The following CAST variants were observed in gnomAD, a reference collection of about 807,000 sequenced individuals.
CAST encodes the protein calpastatin.
In CAST, 76 loss-of-function variants were observed where a neutral mutation model predicts 119.6. The ratio of observed to expected loss-of-function variants is 0.64; its 90% CI spans 0.53 to 0.77. The LOEUF is 0.77. CAST is among the 30% of genes least tolerant of loss of function. The pLI is 0.00. For synonymous variants in CAST, 319 were observed against 331.6 expected, an observed-to-expected ratio of 0.96 and a Z score of 0.41; for missense variants, 953 against 946.5, an observed-to-expected ratio of 1.01 and a Z score of -0.09.
At chr5:96,320,228 C>CTTTTTT in the CAST span, among the ~76,000 whole-genome samples, 2 of 97,372 alleles carry the variant, frequency 2.1e-5, no homozygotes, top group Non-Finnish European at 4.1e-5. Context: ...AAGGCTTTTG[C>CTTTTTT]TTTTTTTTTT....
At chr5:96,436,348 T>C in the CAST span, among the ~76,000 whole-genome samples, 1 of 152,210 alleles carries the variant, frequency 6.6e-6, no homozygotes, top group Non-Finnish European at 1.5e-5. Context: ...TTTCTTTACA[T>C]GATACAATTA....
At chr5:96,738,557 T>G (rs1329568004) in intron 11 of CAST, among the ~76,000 whole-genome samples, 1 of 152,114 alleles carries the variant, frequency 6.6e-6, no homozygotes, top group Non-Finnish European at 1.5e-5. Context: ...GGACTAGAAC[T>G]TGTTTTGATT....
chr5:96,392,898 A>ATC, the CAST span: 2 of 1,158,172 alleles, frequency 1.7e-6, no homozygotes, highest in Non-Finnish European at 2.6e-6. Flanking sequence ...AAAGGATATT[A>ATC]TAAGCATAAG....
intron 1 of CAST, among the ~76,000 whole-genome samples, chr5:96,585,342 T>A (rs1746840926): frequency 6.6e-6 from 1 of 152,114 alleles, no homozygotes; most frequent in South Asian, 2.1e-4. Flanking sequence ...CTCCAGCCCA[T>A]CCTACCTGCC....
the CAST span, among the ~76,000 whole-genome samples, chr5:96,311,020 G>T: frequency 1.3e-5 from 2 of 151,854 alleles, no homozygotes; most frequent in East Asian, 3.9e-4. Context: ...GCACAACATT[G>T]TTGTTTTTTT....
intron 1 of CAST, among the ~76,000 whole-genome samples, chr5:96,656,192 A>G (rs1748156381): frequency 6.6e-6 from 1 of 152,182 alleles, no homozygotes; most frequent in African/African-American, 2.4e-5. Flanking sequence ...GACCACGGGG[A>G]AAAAAAGTTT....
the CAST span, among the ~76,000 whole-genome samples, chr5:96,242,710 T>G: frequency 6.6e-6 from 1 of 152,224 alleles, no homozygotes; most frequent in East Asian, 1.9e-4. Context: ...TTTTGTCTTT[T>G]ATAACCCTGT....
At chr5:96,153,014 G>T in the CAST span, among the ~76,000 whole-genome samples, 2 of 152,290 alleles carry the variant, frequency 1.3e-5, no homozygotes, top group South Asian at 4.1e-4. Context: ...TAACTAGATG[G>T]CTTTGCCAGT....
chr5:96,536,711 A>G (rs1745822783), intron 1 of CAST, among the ~76,000 whole-genome samples: 1 of 152,226 alleles, frequency 6.6e-6, no homozygotes, highest in Non-Finnish European at 1.5e-5. Flanking sequence ...AAATCTGTGC[A>G]TTATGACAGC....
chr5:96,521,985 G>A (rs148958943), upstream of CAST, among the ~76,000 whole-genome samples: 10 of 152,160 alleles, frequency 6.6e-5, no homozygotes, highest in South Asian at 2.1e-4. Context: ...GCGTGGTGGC[G>A]GGCACCTGTA....
the CAST span, among the ~76,000 whole-genome samples, chr5:96,155,058 C>T: frequency 1.3e-5 from 2 of 152,130 alleles, no homozygotes; most frequent in East Asian, 1.9e-4. Context: ...TCTCTTTTTC[C>T]CCAAGGGTCA....
chr5:96,399,049 A>G, the CAST span: 156 of 1,589,712 alleles, frequency 9.8e-5, 1 homozygote, highest in Non-Finnish European at 1.3e-4. Context: ...AAATACATTA[A>G]AGAATCAGCA....
chr5:95,992,735 A>G, the CAST span, among the ~76,000 whole-genome samples: 6 of 152,222 alleles, frequency 3.9e-5, no homozygotes, highest in African/African-American at 1.4e-4. Context: ...CAGATGTACC[A>G]CAGTAATGTA....
At chr5:96,591,053 T>G (rs1459209466) in intron 1 of CAST, among the ~76,000 whole-genome samples, 2 of 152,106 alleles carry the variant, frequency 1.3e-5, no homozygotes, top group Non-Finnish European at 2.9e-5. Context: ...GCAGGTCCCT[T>G]TCACAGAAAA....
the CAST span, among the ~76,000 whole-genome samples, chr5:96,493,860 C>T: frequency 0.01 from 1,577 of 152,158 alleles, 31 homozygotes; most frequent in African/African-American, 0.037. Context: ...TATGGCAAAA[C>T]CTTGTCTCTA....
At chr5:96,222,775 G>A in the CAST span, among the ~76,000 whole-genome samples, 1 of 151,932 alleles carries the variant, frequency 6.6e-6, no homozygotes. Context: ...TCTATCCAAA[G>A]GAAATCAGTA....
Position 96,662,405 on chromosome 5 carries a change from GGCCGCAGCGGCCTC to G in CAST, c.-14_-1del. 1 of 1,377,684 alleles carries G rather than the reference GGCCGCAGCGGCCTC, an allele frequency of 7.3e-7. No individual in the cohort carries two copies. The allele number at this position is 1,377,684 out of a possible 1,614,324, so 85.3% of individuals were successfully genotyped here. ...TCCGCGGCGCATTCCGGGAGGCAGC[GGCCGCAGCGGCCTC>G]GCCATGTCCCAGCCCGGCCAGAAGC... On this transcript the variant is annotated 5_prime_UTR_variant, in exon 1 of 32. Coordinates refer to ENST00000675179, the MANE Select transcript of CAST (RefSeq NM_001750.7).
the CAST span, among the ~76,000 whole-genome samples, chr5:95,962,640 T>C: frequency 6.6e-6 from 1 of 152,198 alleles, no homozygotes; most frequent in Non-Finnish European, 1.5e-5. Context: ...GGGCATGGTA[T>C]AATAGAGAAT....
chr5:96,435,136 GC>G, the CAST span, among the ~76,000 whole-genome samples: 2 of 152,208 alleles, frequency 1.3e-5, no homozygotes, highest in African/African-American at 4.8e-5. Context: ...GGCAAGAGAA[GC>G]CCAGGGCAAA....
Sources: gnomAD v4.1 joint callset for allele counts (sites outside exome capture counted in the v4.1 genomes callset) on GRCh38, gnomAD v4.1.1 for gene constraint, MANE v1.5 for transcripts, NCBI Gene and HGNC (gene_info 2026-07-23, HGNC 2026-07-21) for gene names.